The following B4GALNT3 variants were observed in gnomAD, a reference collection of about 807,000 sequenced individuals.
B4GALNT3 encodes the protein beta-1,4-N-acetylgalactosaminyltransferase 3.
A neutral mutation model predicts 120.2 loss-of-function variants in B4GALNT3; 86 were observed. The ratio of observed to expected loss-of-function variants is 0.72; its 90% confidence interval spans 0.60 to 0.86. The LOEUF (loss-of-function observed/expected upper bound fraction) is 0.86. Among genes scored for constraint, B4GALNT3 ranks in the 40% least tolerant of loss-of-function variants. B4GALNT3 has a pLI of 0.00. For synonymous variants in B4GALNT3, 518 were observed against 510.4 expected, an observed-to-expected ratio of 1.01 and a Z score of -0.20; for missense variants, 1,167 against 1,298.9, an observed-to-expected ratio of 0.90 and a Z score of 1.56.
At chr12:496,270 A>T (rs7971615) in intron 1 of B4GALNT3, among the ~76,000 whole-genome samples, 7,744 of 149,316 alleles carry the variant, frequency 0.052, 277 homozygotes, top group East Asian at 0.17. Flanking sequence ...ATTTACTCTT[A>T]AAAAAAAAAT....
intron 1 of B4GALNT3, among the ~76,000 whole-genome samples, chr12:495,266 C>T (rs1381625085): frequency 3.3e-5 from 5 of 152,146 alleles, no homozygotes; most frequent in Non-Finnish European, 7.3e-5. Flanking sequence ...TCAGGTCTGC[C>T]CCCTAAAAGG....
chr12:518,371 A>G (rs528167180), intron 1 of B4GALNT3, among the ~76,000 whole-genome samples: 1 of 152,342 alleles, frequency 6.6e-6, no homozygotes, highest in Non-Finnish European at 1.5e-5. Context: ...GGTCCCTTAT[A>G]TAAAATATGG....
At chr12:517,416 T>G (rs760488080) in intron 1 of B4GALNT3, among the ~76,000 whole-genome samples, 4 of 152,034 alleles carry the variant, frequency 2.6e-5, no homozygotes, top group Non-Finnish European at 5.9e-5. Context: ...GAGGTAAACA[T>G]ATGTTACTTG....
chr12:545,328 G>A (rs112974984), intron 5 of B4GALNT3, 41 bp from the exon 6 acceptor site: 16 of 1,576,668 alleles, frequency 1.0e-5, no homozygotes, highest in African/African-American at 9.4e-5. Flanking sequence ...TTATGCTGAT[G>A]CCCTCCTTGC....
At chr12:483,451 C>A (rs1326659591) in intron 1 of B4GALNT3, among the ~76,000 whole-genome samples, 1 of 152,106 alleles carries the variant, frequency 6.6e-6, no homozygotes, top group Non-Finnish European at 1.5e-5. Context: ...AATCCCATAA[C>A]TTTGGGAGGC....
chr12:461,647 A>G (rs750877838), intron 1 of B4GALNT3, among the ~76,000 whole-genome samples: 3 of 152,186 alleles, frequency 2.0e-5, no homozygotes, highest in Non-Finnish European at 2.9e-5. Context: ...AGCAGCTGAG[A>G]AGATACTCTG....
intron 1 of B4GALNT3, among the ~76,000 whole-genome samples, chr12:471,715 A>G (rs1946138105): frequency 1.7e-5 from 1 of 58,978 alleles, no homozygotes; most frequent in African/African-American, 5.5e-5. Context: ...TCAAAATAAT[A>G]ATAAAAAATA....
chr12:501,219 A>G lies in B4GALNT3; in HGVS notation c.170-33947A>G, dbSNP rs73032454. 2.8e-3 allele frequency among the ~76,000 whole-genome samples: 423 copies of G among 152,290 alleles called. 3 individuals carry two copies. The highest frequency in any genetic ancestry group is 2.2e-3 in the Non-Finnish European group (153 of 68,024). On this transcript the variant is annotated intron_variant, in intron 1 of 19. Transcript: ENST00000266383. Reference sequence around the variant, plus strand: ...TATTTACTGACAAATTACTTAATCAATGTCTCTCAGCTTATTTCCTTCTTC... The same window carrying G: ...TATTTACTGACAAATTACTTAATCAGTGTCTCTCAGCTTATTTCCTTCTTC...
chr12:471,319 A>G (rs912469624), intron 1 of B4GALNT3, among the ~76,000 whole-genome samples: 5 of 151,294 alleles, frequency 3.3e-5, no homozygotes, highest in African/African-American at 1.2e-4. Context: ...CAGGAGGCGG[A>G]GGTTTCAGGG....
chr12:511,700 ACCTTCCTTCCACCTTCCG>A (rs1565598157), intron 1 of B4GALNT3, among the ~76,000 whole-genome samples: 1,168 of 38,252 alleles, frequency 0.031, 16 homozygotes, highest in Non-Finnish European at 0.041. Context: ...TCTGTCTTCC[ACCTTCCTTCCACCTTCCG>A]CCTTCCACCT....
rs182250681 is a variant in B4GALNT3 at position 535,617 on chromosome 12, G to T, written c.273+348G>T. Among the ~76,000 whole-genome samples, 415 of 152,310 alleles carry T rather than the reference G, an allele frequency of 2.7e-3. 3 individuals are homozygous for T. The highest frequency in any genetic ancestry group is 9.4e-3 in the African/African-American group (390 of 41,556). On this transcript the variant is annotated intron_variant, in intron 2 of 19. Transcript: ENST00000266383. ...GTGCCTCTCACTAGGGTGAGGGCTGGGCTGTGCTGTGCTTGCTGCTGAGAT... is the reference window on the plus strand; with the variant it reads ...GTGCCTCTCACTAGGGTGAGGGCTGTGCTGTGCTGTGCTTGCTGCTGAGAT...
intron 1 of B4GALNT3, among the ~76,000 whole-genome samples, chr12:509,107 C>T (rs1181306993): frequency 1.3e-5 from 2 of 152,208 alleles, no homozygotes; most frequent in African/African-American, 4.8e-5. Flanking sequence ...TGTCATCCAA[C>T]ACTTCAAAGA....
rs746022844 is a variant in B4GALNT3 at position 553,488 on chromosome 12, C to A, written c.1565C>A (p.Pro522His). The change falls in exon 14 of 20, where the codon CCC (proline) becomes CAC (histidine). Residue 522 changes from proline to histidine, a missense_variant. By Grantham distance (77) the Pro-to-His change is moderately conservative. Around this residue, in one of 3 missense-constraint regions of B4GALNT3, gnomAD observed 983 missense variants for 1,102.5 expected, o/e 0.89. Transcript: ENST00000266383. ...EKRKQKPSPE[P>H]SQDSPHSDKW... ...AGGAAGCAAAAACCCAGCCCTGAGC[C>A]CAGCCAAGATTCACCTCATTCCGAC... 1.9e-6 allele frequency: 3 copies of A among 1,614,032 alleles called. No homozygotes were observed. The African/African-American group carries it at 4.0e-5, about 22-fold the overall frequency.
chr12:470,127 G>A (rs1010683867), intron 1 of B4GALNT3, among the ~76,000 whole-genome samples: 8 of 152,142 alleles, frequency 5.3e-5, no homozygotes, highest in Admixed American at 1.3e-4. Flanking sequence ...TGGAAGTTGC[G>A]CACGTCACTA....
intron 1 of B4GALNT3, among the ~76,000 whole-genome samples, chr12:475,281 C>T (rs1485511258): frequency 6.6e-6 from 1 of 152,174 alleles, no homozygotes; most frequent in East Asian, 1.9e-4. Flanking sequence ...AAGAACTCTG[C>T]CTGAAGCTTT....
At chr12:506,879 G>T (rs377243230) in intron 1 of B4GALNT3, among the ~76,000 whole-genome samples, 8 of 152,142 alleles carry the variant, frequency 5.3e-5, no homozygotes, top group African/African-American at 1.9e-4. Flanking sequence ...CTCGTGATCC[G>T]CCCGCCTCGG....
At chr12:497,091 G>A (rs1031595424) in intron 1 of B4GALNT3, among the ~76,000 whole-genome samples, 2 of 152,128 alleles carry the variant, frequency 1.3e-5, no homozygotes, top group East Asian at 1.9e-4. Flanking sequence ...CACCTCAGCC[G>A]CTGAGAGTAC....
At chr12:518,159 T>G (rs1260593012) in intron 1 of B4GALNT3, among the ~76,000 whole-genome samples, 1 of 152,202 alleles carries the variant, frequency 6.6e-6, no homozygotes, top group African/African-American at 2.4e-5. Flanking sequence ...TTTAAGATAT[T>G]AAGGAACTTG....
chr12:500,865 C>CCTTTTTTTTTTTTTTT (rs2043817132), intron 1 of B4GALNT3, among the ~76,000 whole-genome samples: 4 of 61,830 alleles, frequency 6.5e-5, no homozygotes, highest in African/African-American at 3.0e-4. Flanking sequence ...GGCTCCACTG[C>CCTTTTTTTTTTTTTTT]TTTTTTTTTT....
Sources: gnomAD v4.1 joint callset for allele counts (sites outside exome capture counted in the v4.1 genomes callset) on GRCh38, gnomAD v4.1.1 for gene constraint, gnomAD v4.1.1 regional missense constraint, MANE v1.5 for transcripts, NCBI Gene and HGNC (gene_info 2026-07-23, HGNC 2026-07-21) for gene names.